Variants in MTA3 observed in about 807,000 individuals in gnomAD.
MTA3 encodes metastasis-associated protein MTA3.
A neutral mutation model predicts 83.5 loss-of-function variants in MTA3; 34 were observed. The observed-to-expected ratio is 0.41, with a 90% CI of 0.31 to 0.54. The LOEUF (loss-of-function observed/expected upper bound fraction) is 0.54. Ranked by LOEUF, MTA3 falls within the 20% of genes least tolerant of loss-of-function variation. The pLI is 0.33. For synonymous variants in MTA3, 303 were observed against 252.7 expected, an observed-to-expected ratio of 1.20 and a Z score of -1.89; for missense variants, 761 against 726.4, an observed-to-expected ratio of 1.05 and a Z score of -0.55.
chr2:42,515,566 G>C (rs1675107245), intron 2 of MTA3, among the ~76,000 whole-genome samples: 1 of 151,698 alleles, frequency 6.6e-6, no homozygotes, highest in Non-Finnish European at 1.5e-5. Flanking sequence ...GCAGTGGTAT[G>C]ATCTTGGCTC....
At chr2:42,671,057 C>G (rs1487908925) in intron 8 of MTA3, among the ~76,000 whole-genome samples, 1 of 152,008 alleles carries the variant, frequency 6.6e-6, no homozygotes, top group Non-Finnish European at 1.5e-5. Flanking sequence ...TTCATAGTCT[C>G]TTTCATTCCT....
intron 3 of MTA3, among the ~76,000 whole-genome samples, chr2:42,585,499 C>CAGTCTCACTCTGTCG: frequency 8.1e-6 from 1 of 124,148 alleles, no homozygotes; most frequent in South Asian, 2.6e-4. Flanking sequence ...TTTTTTGAGA[C>CAGTCTCACTCTGTCG]AGTCTCACTC....
At chr2:42,597,906 TCCTGGGGTGAAGC>T (rs1301860528) in intron 3 of MTA3, among the ~76,000 whole-genome samples, 2 of 152,012 alleles carry the variant, frequency 1.3e-5, no homozygotes, top group East Asian at 3.9e-4. Flanking sequence ...GGTCTTGAAC[TCCTGGGGTGAAGC>T]GATCTGCCCA....
chr2:42,630,543 T>C (rs1686576015), intron 4 of MTA3, among the ~76,000 whole-genome samples: 1 of 152,220 alleles, frequency 6.6e-6, no homozygotes, highest in Non-Finnish European at 1.5e-5. Flanking sequence ...TTTTATGTTG[T>C]GCTTTTGAAA....
At chr2:42,571,845 G>T (rs532777136) in intron 2 of MTA3, among the ~76,000 whole-genome samples, 2 of 152,182 alleles carry the variant, frequency 1.3e-5, no homozygotes, top group East Asian at 3.9e-4. Flanking sequence ...CACTTGGGAG[G>T]CTGAGGCAGG....
intron 2 of MTA3, among the ~76,000 whole-genome samples, chr2:42,524,485 T>TTTG (rs1553337484): frequency 7.3e-5 from 9 of 123,764 alleles, no homozygotes; most frequent in Non-Finnish European, 1.5e-4. Context: ...TTTTTTTTTT[T>TTTG]TTTTTTTTTT....
intron 2 of MTA3, among the ~76,000 whole-genome samples, chr2:42,501,999 T>A (rs1479896093): frequency 1.3e-5 from 2 of 151,938 alleles, no homozygotes; most frequent in Non-Finnish European, 2.9e-5. Context: ...AAAATTAAAA[T>A]TTAAATTTAA....
intron 6 of MTA3, among the ~76,000 whole-genome samples, chr2:42,649,807 C>T (rs1042128961): frequency 2.0e-5 from 3 of 152,144 alleles, no homozygotes; most frequent in South Asian, 4.1e-4. Flanking sequence ...GGAAAAATTA[C>T]ATTCTGCATT....
intron 8 of MTA3, among the ~76,000 whole-genome samples, chr2:42,667,637 G>GT (rs1279690401): frequency 2.7e-5 from 4 of 149,712 alleles, no homozygotes; most frequent in African/African-American, 7.4e-5. Context: ...GAGAGAGAGA[G>GT]AGAGAGAGAG....
intron 2 of MTA3, among the ~76,000 whole-genome samples, chr2:42,504,901 C>G (rs1373577564): frequency 6.6e-6 from 1 of 152,048 alleles, no homozygotes; most frequent in Non-Finnish European, 1.5e-5. Context: ...AGGAACAGCC[C>G]CTCTTTGTAA....
chr2:42,499,752 C>T (rs906572623), intron 2 of MTA3, among the ~76,000 whole-genome samples: 3 of 147,712 alleles, frequency 2.0e-5, no homozygotes, highest in African/African-American at 5.0e-5. Flanking sequence ...CAAGGCAATG[C>T]ACTACAGCCT....
chr2:42,564,025 A>G (rs1253793828), upstream of MTA3, among the ~76,000 whole-genome samples: 1 of 150,412 alleles, frequency 6.6e-6, no homozygotes, highest in Non-Finnish European at 1.5e-5. Flanking sequence ...GCGTTTCACT[A>G]TGTTGGCCAG....
At chr2:42,700,169 G>GA (rs1323781489) in intron 11 of MTA3, among the ~76,000 whole-genome samples, 1 of 152,018 alleles carries the variant, frequency 6.6e-6, no homozygotes, top group Middle Eastern at 3.2e-3. Flanking sequence ...AAGCAGATGA[G>GA]AGAGGGAGTG....
intron 1 of MTA3, 103 bp downstream of exon 1, chr2:42,568,876 T>C (rs1220037886): frequency 5.3e-6 from 6 of 1,134,814 alleles, no homozygotes; most frequent in Non-Finnish European, 6.6e-6. Flanking sequence ...GCGCCGGGGC[T>C]GAGGTCGCAG....
intron 4 of MTA3, 42 bp downstream of exon 4, chr2:42,609,626 A>G (rs371023670): frequency 6.5e-7 from 1 of 1,534,292 alleles, no homozygotes; most frequent in Non-Finnish European, 8.8e-7. Context: ...TACTACGGTG[A>G]CCAAAAAACA....
intron 4 of MTA3, among the ~76,000 whole-genome samples, chr2:42,616,866 T>C (rs1684957662): frequency 6.6e-6 from 1 of 152,310 alleles, no homozygotes; most frequent in Admixed American, 6.5e-5. Flanking sequence ...ATTACAGGCG[T>C]GAGCCATCGT....
intron 2 of MTA3, among the ~76,000 whole-genome samples, chr2:42,521,848 C>T (rs1038392904): frequency 6.6e-6 from 1 of 151,286 alleles, no homozygotes; most frequent in African/African-American, 2.4e-5. Context: ...TCCGCCTCCC[C>T]GGTTCAAGTG....
rs544165895 is a variant in MTA3 at position 42,730,080 on chromosome 2, C to A, written c.1759+7045C>A. Among the ~76,000 whole-genome samples the A allele has an allele frequency of 4.6e-5, 7 of 152,274 alleles. No individual in the cohort carries two copies. In the South Asian group the frequency reaches 8.3e-4, roughly 18 times the overall value. ...TTTTGTATGTTGATTTTGTATCCTG[C>A]AACTTTACTCAATTTGTTTGTCAGT... is the stretch of plus-strand genomic sequence containing the variant. On this transcript the variant is annotated intron_variant, in intron 16 of 16. Transcript: ENST00000405094.
intron 2 of MTA3, among the ~76,000 whole-genome samples, chr2:42,557,104 G>C (rs1473757598): frequency 6.6e-6 from 1 of 152,028 alleles, no homozygotes; most frequent in Non-Finnish European, 1.5e-5. Flanking sequence ...AAGACCAGGT[G>C]AGGTGGCTCA....
Sources: allele counts gnomAD v4.1 joint callset (sites outside exome capture counted in the v4.1 genomes callset), GRCh38; gene constraint gnomAD v4.1.1; transcripts MANE v1.5; gene names NCBI Gene and HGNC (gene_info 2026-07-23, HGNC 2026-07-21).